SCMH1: variants seen among roughly 807,000 people sequenced by gnomAD.
SCMH1 encodes polycomb protein SCMH1.
Under a neutral mutation model 70.8 loss-of-function variants are expected in SCMH1, and 37 were observed. That is an observed-to-expected ratio of 0.52 (90% CI 0.40 to 0.69). The LOEUF is 0.69. Ranked by LOEUF, SCMH1 falls within the 30% of genes least tolerant of loss-of-function variation. SCMH1 has a pLI of 0.00. For missense variants in SCMH1, 607 were observed against 827.3 expected (o/e 0.73, Z 3.27); for synonymous variants, 292 against 307.4 (o/e 0.95, Z 0.52).
chr1:41,068,158 T>C (rs1409854758), intron 10 of SCMH1, among the ~76,000 whole-genome samples: 2 of 152,168 alleles, frequency 1.3e-5, no homozygotes, highest in East Asian at 3.9e-4. Context: ...AAACAGACTT[T>C]GGAAAATGCC....
intron 4 of SCMH1, among the ~76,000 whole-genome samples, chr1:41,156,871 G>GC (rs1645596652): frequency 6.6e-6 from 1 of 151,146 alleles, no homozygotes; most frequent in Non-Finnish European, 1.5e-5. Context: ...TCCCTATGGT[G>GC]CCCAGGCTAG....
intron 9 of SCMH1, among the ~76,000 whole-genome samples, chr1:41,071,794 C>G (rs756613959): frequency 7.2e-5 from 11 of 152,012 alleles, no homozygotes; most frequent in Admixed American, 7.2e-4. Flanking sequence ...TCCTGAGTAA[C>G]TGGGACTACA....
In SCMH1 at chr1:41,242,019, C is replaced by G. The variant is rs1206180883; in HGVS notation, c.-118+40G>C. 3 of 152,442 alleles carry G rather than the reference C, an allele frequency of 2.0e-5. No homozygotes were observed. Among genetic ancestry groups the G allele is most frequent in the Non-Finnish European group, 4.4e-5 (3 of 68,124 alleles). The allele number at this position is 152,442 out of a possible 1,614,324, so 9.4% of individuals were successfully genotyped here. On this transcript the variant is annotated intron_variant, in intron 1 of 14. Coordinates refer to ENST00000337495, the Ensembl canonical transcript of SCMH1. This position sits in a 1 kb window ranked among gnomAD's most constrained non-coding sequence, Gnocchi z 5.2. ...TGGCCCCAGGCGGCCCCTCAGGGCA[C>G]GAGCTCTTAGGCGGGCGGAGGCGGC...
chr1:41,028,106 GA>G lies in SCMH1; in HGVS notation c.*87del. ...TCCTGAGGTGGCCCGGAACCCCACT[GA>G]GGTGCCTGGGGTGGGCTGATGCCCC... On this transcript the variant is annotated 3_prime_UTR_variant, in exon 15 of 15. Transcript: ENST00000337495. 2.6e-6 allele frequency: 4 copies of G among 1,544,082 alleles called. 1 individual carries two copies. The South Asian group carries it at 4.8e-5, about 18-fold the overall frequency.
intron 10 of SCMH1, among the ~76,000 whole-genome samples, chr1:41,069,792 G>A (rs892153550): frequency 6.6e-6 from 1 of 152,180 alleles, no homozygotes; most frequent in Non-Finnish European, 1.5e-5. Context: ...GACCATGGCA[G>A]GTTCTCTCAT....
At chr1:41,194,525 C>A (rs769187477) in intron 1 of SCMH1, among the ~76,000 whole-genome samples, 1 of 152,198 alleles carries the variant, frequency 6.6e-6, no homozygotes, top group African/African-American at 2.4e-5. Flanking sequence ...TTCTCAAGGG[C>A]AGCAATTTGG....
chr1:41,197,418 G>A (rs1428458510), intron 1 of SCMH1, among the ~76,000 whole-genome samples: 1 of 152,164 alleles, frequency 6.6e-6, no homozygotes, highest in Non-Finnish European at 1.5e-5. Context: ...AAGGCACTGT[G>A]CTAAGTGAAA....
intron 5 of SCMH1, among the ~76,000 whole-genome samples, chr1:41,151,322 C>T (rs1424766129): frequency 2.0e-5 from 3 of 152,148 alleles, no homozygotes; most frequent in African/African-American, 7.2e-5. Flanking sequence ...TCTTTCCTGT[C>T]CGAATTAAGA....
intron 2 of SCMH1, among the ~76,000 whole-genome samples, chr1:41,176,442 C>G (rs186269611): frequency 0.013 from 1,963 of 152,294 alleles, 41 homozygotes; most frequent in African/African-American, 0.045. Flanking sequence ...TGAGCCGAAG[C>G]AGGGCGAGGC....
At chr1:41,063,299 G>A (rs375988787) in intron 10 of SCMH1, among the ~76,000 whole-genome samples, 7 of 151,600 alleles carry the variant, frequency 4.6e-5, no homozygotes, top group East Asian at 3.9e-4. Context: ...CAGTGAAACC[G>A]CATCTCAACT....
At chr1:41,120,948 C>A (rs1364080490) in intron 6 of SCMH1, among the ~76,000 whole-genome samples, 1 of 152,178 alleles carries the variant, frequency 6.6e-6, no homozygotes, top group East Asian at 1.9e-4. Flanking sequence ...TGAGCCAGCT[C>A]CTTGTGCTAA....
chr1:41,059,827 G>T (rs114383588), intron 10 of SCMH1, among the ~76,000 whole-genome samples: 38 of 152,240 alleles, frequency 2.5e-4, no homozygotes, highest in African/African-American at 9.1e-4. Context: ...CCTGTAAGGG[G>T]TTTGAGTGCA....
chr1:41,050,097 A>G (rs369316638), intron 10 of SCMH1, among the ~76,000 whole-genome samples: 1 of 151,872 alleles, frequency 6.6e-6, no homozygotes, highest in Admixed American at 6.6e-5. Flanking sequence ...CAAGACGGCT[A>G]AGCACTCTCC....
intron 2 of SCMH1, among the ~76,000 whole-genome samples, chr1:41,168,296 G>A (rs1190818929): frequency 6.6e-6 from 1 of 152,050 alleles, no homozygotes; most frequent in Non-Finnish European, 1.5e-5. Context: ...TGTCCCACAG[G>A]TCTCATAAAC....
At chr1:41,180,987 T>C (rs920866775) in intron 2 of SCMH1, among the ~76,000 whole-genome samples, 4 of 152,194 alleles carry the variant, frequency 2.6e-5, no homozygotes, top group Admixed American at 6.5e-5. Context: ...ATGGTAGTGA[T>C]ACCAAAACAG....
At chr1:41,190,836 T>G (rs936349669) in intron 1 of SCMH1, among the ~76,000 whole-genome samples, 1 of 152,160 alleles carries the variant, frequency 6.6e-6, no homozygotes, top group Non-Finnish European at 1.5e-5. Context: ...GGCACTGTGG[T>G]AGGCACTTTA....
intron 3 of SCMH1, 43 bp from the exon 4 acceptor site, chr1:41,160,941 A>G: frequency 6.6e-7 from 1 of 1,526,356 alleles, no homozygotes. Context: ...ATTAAGACAA[A>G]CATACCAACA....
At chr1:41,182,563 A>T (rs919346822) in intron 2 of SCMH1, among the ~76,000 whole-genome samples, 3 of 152,020 alleles carry the variant, frequency 2.0e-5, no homozygotes, top group East Asian at 1.9e-4. Context: ...CAAAAAAATT[A>T]AAAAATTAGC....
At chr1:41,139,338 T>A (rs959489874) in intron 6 of SCMH1, among the ~76,000 whole-genome samples, 1 of 152,224 alleles carries the variant, frequency 6.6e-6, no homozygotes, top group Non-Finnish European at 1.5e-5. Flanking sequence ...AATTCTTCGT[T>A]ATGTATGGTC....
Sources: allele counts gnomAD v4.1 joint callset (sites outside exome capture counted in the v4.1 genomes callset), GRCh38; gene constraint gnomAD v4.1.1; non-coding constraint Gnocchi (gnomAD v3.1); transcripts MANE v1.5; gene names NCBI Gene and HGNC (gene_info 2026-07-23, HGNC 2026-07-21).